Variants in MEIS2 observed in about 807,000 individuals in gnomAD.
MEIS2 encodes Meis homeobox 2, also known as homeobox protein Meis2.
Under a neutral mutation model 58.6 loss-of-function variants are expected in MEIS2, and 9 were observed. That is an observed-to-expected ratio of 0.15 (90% CI 0.09 to 0.27). The LOEUF (loss-of-function observed/expected upper bound fraction) is 0.27, where lower values mean the gene tolerates loss of function less well. Among genes scored for constraint, MEIS2 ranks in the 10% least tolerant of loss-of-function variants. The pLI, the probability that MEIS2 is intolerant of heterozygous loss-of-function variation, is 1.00. For synonymous variants in MEIS2, 221 were observed against 228.4 expected (o/e 0.97, Z 0.29); for missense variants, 427 against 635.0 (o/e 0.67, Z 3.52).
At chr15:37,065,039 A>G (rs886706526) in intron 7 of MEIS2, among the ~76,000 whole-genome samples, 3 of 152,184 alleles carry the variant, frequency 2.0e-5, no homozygotes, top group Non-Finnish European at 2.9e-5. Context: ...TCTCATTCCT[A>G]TGATCACTCA....
intron 9 of MEIS2, among the ~76,000 whole-genome samples, chr15:36,923,218 A>G (rs1595732042): frequency 6.6e-6 from 1 of 152,320 alleles, no homozygotes; most frequent in Middle Eastern, 3.4e-3. Flanking sequence ...CAATGAACCA[A>G]GGAGGAAGCA....
At chr15:36,914,819 G>T (rs2057202637) in intron 9 of MEIS2, among the ~76,000 whole-genome samples, 1 of 151,918 alleles carries the variant, frequency 6.6e-6, no homozygotes, top group Admixed American at 6.6e-5. Flanking sequence ...TTCGCAGAAG[G>T]CTAGCCAATT....
At chr15:37,005,199 T>C (rs1329288747) in intron 8 of MEIS2, among the ~76,000 whole-genome samples, 1 of 152,258 alleles carries the variant, frequency 6.6e-6, no homozygotes, top group Non-Finnish European at 1.5e-5. Flanking sequence ...ACCATGATGT[T>C]ATCCAGCCAC....
intron 1 of MEIS2, 58 bp from the exon 2 acceptor site, chr15:37,098,257 G>A: frequency 6.7e-7 from 1 of 1,483,118 alleles, no homozygotes. Flanking sequence ...CAGAGGAGGG[G>A]GGTGGAAAGG....
chr15:37,095,794 G>C, intron 3 of MEIS2, 180 bp from the exon 4 acceptor site: 1 of 845,222 alleles, frequency 1.2e-6, no homozygotes, highest in South Asian at 1.8e-5. Flanking sequence ...AGGGCATTCT[G>C]GTCCTGGCCC....
intron 8 of MEIS2, among the ~76,000 whole-genome samples, chr15:37,003,233 T>C (rs1483039059): frequency 1.3e-5 from 2 of 151,992 alleles, no homozygotes; most frequent in Non-Finnish European, 2.9e-5. Flanking sequence ...GACTCTGCCA[T>C]AGACTCTGTG....
chr15:37,006,042 T>G (rs112445099), intron 8 of MEIS2, among the ~76,000 whole-genome samples: 14 of 152,380 alleles, frequency 9.2e-5, no homozygotes, highest in African/African-American at 3.4e-4. Context: ...TCATTTTTAT[T>G]GTTATACAAT....
At chr15:37,089,864 T>C (rs1385687233) in intron 6 of MEIS2, among the ~76,000 whole-genome samples, 1 of 152,148 alleles carries the variant, frequency 6.6e-6, no homozygotes, top group Admixed American at 6.5e-5. Flanking sequence ...TGTATTTTCT[T>C]TGTCTGTACT....
intron 7 of MEIS2, among the ~76,000 whole-genome samples, chr15:37,041,964 C>T (rs919502661): frequency 6.6e-6 from 1 of 152,010 alleles, no homozygotes; most frequent in African/African-American, 2.4e-5. Flanking sequence ...ATTGCTAGAG[C>T]TTGGGAGTTT....
At chr15:36,963,866 T>C (rs1027485739) in intron 8 of MEIS2, among the ~76,000 whole-genome samples, 1 of 152,190 alleles carries the variant, frequency 6.6e-6, no homozygotes, top group Non-Finnish European at 1.5e-5. Flanking sequence ...ACATTGTCTG[T>C]TTTCATTTTA....
At chr15:36,903,030 T>C (rs1482241853) in intron 9 of MEIS2, among the ~76,000 whole-genome samples, 1 of 152,208 alleles carries the variant, frequency 6.6e-6, no homozygotes, top group African/African-American at 2.4e-5. Flanking sequence ...AGAAAATTTG[T>C]TATCTTATTT....
intron 8 of MEIS2, among the ~76,000 whole-genome samples, chr15:36,998,367 C>T (rs1164653202): frequency 6.7e-6 from 1 of 149,012 alleles, no homozygotes; most frequent in Non-Finnish European, 1.5e-5. Flanking sequence ...AAAAGAGGTG[C>T]ACACCACCAC....
At chr15:36,907,449 C>T (rs188270430) in intron 9 of MEIS2, among the ~76,000 whole-genome samples, 3 of 152,306 alleles carry the variant, frequency 2.0e-5, no homozygotes, top group African/African-American at 7.2e-5. Flanking sequence ...TGAATGTCCC[C>T]GTGGGCCTTT....
intron 7 of MEIS2, among the ~76,000 whole-genome samples, chr15:37,038,029 G>A (rs957692656): frequency 1.1e-4 from 16 of 152,212 alleles, no homozygotes; most frequent in African/African-American, 3.9e-4. Context: ...GGAAAACAGA[G>A]AAGTGGAGAG....
At chr15:37,015,652 C>A (rs549032234) in intron 8 of MEIS2, among the ~76,000 whole-genome samples, 8 of 152,092 alleles carry the variant, frequency 5.3e-5, no homozygotes, top group African/African-American at 1.9e-4. Context: ...ATCAGAAAGG[C>A]CTGGATGCTC....
At chr15:37,000,362 G>A (rs1200877501) in intron 8 of MEIS2, among the ~76,000 whole-genome samples, 1 of 151,988 alleles carries the variant, frequency 6.6e-6, no homozygotes, top group Non-Finnish European at 1.5e-5. Context: ...AGGACTGGAG[G>A]TCTCTTTACC....
intron 7 of MEIS2, among the ~76,000 whole-genome samples, chr15:37,079,486 T>C (rs1891909769): frequency 2.0e-5 from 3 of 151,964 alleles, no homozygotes; most frequent in Non-Finnish European, 4.4e-5. Context: ...GGACCCACAG[T>C]AAGTGGGTTT....
intron 8 of MEIS2, among the ~76,000 whole-genome samples, chr15:36,980,191 T>G (rs184597528): frequency 6.6e-6 from 1 of 152,044 alleles, no homozygotes; most frequent in African/African-American, 2.4e-5. Context: ...TCCCCTCAGT[T>G]TGTCATTTTT....
intron 7 of MEIS2, among the ~76,000 whole-genome samples, chr15:37,046,886 T>A (rs1489507449): frequency 6.6e-6 from 1 of 151,654 alleles, no homozygotes; most frequent in Admixed American, 6.6e-5. Context: ...AATATATATA[T>A]ATATTGCTTA....
Sources: allele counts gnomAD v4.1 joint callset (sites outside exome capture counted in the v4.1 genomes callset), GRCh38; gene constraint gnomAD v4.1.1; transcripts MANE v1.5; gene names NCBI Gene and HGNC (gene_info 2026-07-23, HGNC 2026-07-21).